Variants in NTM observed in about 807,000 individuals in gnomAD.
The protein encoded by NTM is neurotrimin.
Under a neutral mutation model 42.1 loss-of-function variants are expected in NTM, and 13 were observed. The observed-to-expected ratio is 0.31, with a 90% CI of 0.20 to 0.49. NTM has a LOEUF of 0.49. NTM is among the 20% of genes least tolerant of loss of function. The probability of loss-of-function intolerance (pLI) is 0.99; values close to 1 mark genes in which losing one functional copy is unlikely to be tolerated. For missense variants in NTM, 373 were observed against 452.8 expected (o/e 0.82, Z 1.60); for synonymous variants, 187 against 179.2 (o/e 1.04, Z -0.35).
At chr11:131,864,542 T>C (rs1044388071) in intron 1 of NTM, among the ~76,000 whole-genome samples, 1 of 152,232 alleles carries the variant, frequency 6.6e-6, no homozygotes, top group Admixed American at 6.5e-5. Flanking sequence ...GGAGGTTTCC[T>C]ATTATTTCTT....
At chr11:132,317,597 A>G (rs939475326) in intron 7 of NTM, 49 of 997,746 alleles carry the variant, frequency 4.9e-5, no homozygotes, top group Non-Finnish European at 6.5e-5. Context: ...ATAGCACTGT[A>G]TATAATATAT....
At chr11:131,883,352 A>G (rs1463741095) in intron 1 of NTM, among the ~76,000 whole-genome samples, 1 of 152,176 alleles carries the variant, frequency 6.6e-6, no homozygotes. Context: ...ACAAAATCCA[A>G]ACGGAAATCA....
At chr11:131,954,347 G>A (rs1206203499) in intron 2 of NTM, among the ~76,000 whole-genome samples, 1 of 152,190 alleles carries the variant, frequency 6.6e-6, no homozygotes, top group African/African-American at 2.4e-5. Context: ...GTCGCTGCTT[G>A]GTGTCCTTCC....
chr11:131,399,064 A>T (rs1317386009), intron 1 of NTM, among the ~76,000 whole-genome samples: 1 of 152,220 alleles, frequency 6.6e-6, no homozygotes, highest in Non-Finnish European at 1.5e-5. Flanking sequence ...GCACTTGGAG[A>T]GAAATGCATT....
intron 2 of NTM, among the ~76,000 whole-genome samples, chr11:132,028,157 A>T (rs1219107363): frequency 6.6e-6 from 1 of 150,678 alleles, no homozygotes; most frequent in African/African-American, 2.4e-5. Flanking sequence ...CATATTATTC[A>T]TAGTTACTTT....
At chr11:132,083,529 C>G (rs1353608436) in intron 2 of NTM, among the ~76,000 whole-genome samples, 4 of 152,308 alleles carry the variant, frequency 2.6e-5, no homozygotes, top group East Asian at 3.9e-4. Flanking sequence ...GTGAATTCCT[C>G]TCTTCTTGAA....
At chr11:131,749,791 G>C (rs1418095563) in intron 1 of NTM, among the ~76,000 whole-genome samples, 1 of 152,052 alleles carries the variant, frequency 6.6e-6, no homozygotes, top group Non-Finnish European at 1.5e-5. Context: ...GTAGAGACAG[G>C]GTTTCACTAT....
intron 1 of NTM, among the ~76,000 whole-genome samples, chr11:131,701,472 G>A (rs1170211577): frequency 2.0e-5 from 3 of 152,138 alleles, no homozygotes; most frequent in African/African-American, 7.2e-5. Context: ...TGGTAGATGG[G>A]CAAAAAGAAG....
At chr11:132,048,351 G>A (rs2078317024) in intron 2 of NTM, among the ~76,000 whole-genome samples, 1 of 152,166 alleles carries the variant, frequency 6.6e-6, no homozygotes, top group Non-Finnish European at 1.5e-5. Flanking sequence ...AAAGATCTCT[G>A]GGTCCACACG....
intron 1 of NTM, among the ~76,000 whole-genome samples, chr11:131,739,505 C>T (rs950689680): frequency 3.3e-5 from 5 of 152,214 alleles, no homozygotes; most frequent in Middle Eastern, 6.8e-3. Flanking sequence ...GCTTTCTGAC[C>T]GGATGGCAAG....
chr11:131,526,555 G>T (rs2050512754), intron 1 of NTM, among the ~76,000 whole-genome samples: 1 of 152,214 alleles, frequency 6.6e-6, no homozygotes, highest in Admixed American at 6.5e-5. Flanking sequence ...TTGTCGAAAT[G>T]TCAGCTTCTC....
At chr11:131,388,685 G>T (rs1943621730) in intron 1 of NTM, among the ~76,000 whole-genome samples, 2 of 151,948 alleles carry the variant, frequency 1.3e-5, no homozygotes, top group South Asian at 4.2e-4. Context: ...TGTATTTGGG[G>T]AAAGAGAAAG....
At chr11:132,041,212 A>T (rs3133189) in intron 2 of NTM, among the ~76,000 whole-genome samples, 133,023 of 150,408 alleles carry the variant, frequency 0.88, 58,941 homozygotes, top group East Asian at 0.99. Context: ...TGTGTGTGTG[A>T]GAGAGAGAGA....
intron 2 of NTM, among the ~76,000 whole-genome samples, chr11:131,960,216 G>A (rs2062003970): frequency 6.6e-6 from 1 of 152,180 alleles, no homozygotes; most frequent in Admixed American, 6.5e-5. Flanking sequence ...GGTGCCCCTG[G>A]ATGGAAAGTC....
rs529441581 is a variant in NTM, at chr11:131,915,145, G to T, written c.167+3497G>T. Among the ~76,000 whole-genome samples the T allele has an allele frequency of 3.7e-4, 57 of 152,234 alleles. 1 individual carries two copies. The highest frequency in any genetic ancestry group is 1.3e-3 in the African/African-American group (55 of 41,524). ...CTCTCTGAAATAGACAATTATTCCC[G>T]GTTAAGGCCTAGAGAGGGGGAACTT... On this transcript the variant is annotated intron_variant, in intron 2 of 8. Coordinates refer to ENST00000683400, the MANE Select transcript of NTM (RefSeq NM_001352005.2).
intron 1 of NTM, among the ~76,000 whole-genome samples, chr11:131,721,271 C>T (rs1261823736): frequency 2.6e-5 from 4 of 152,046 alleles, no homozygotes; most frequent in South Asian, 2.1e-4. Context: ...ACCCTTATTC[C>T]GCTCAGATTT....
intron 1 of NTM, among the ~76,000 whole-genome samples, chr11:131,409,223 A>G (rs1286807049): frequency 6.6e-6 from 1 of 152,248 alleles, no homozygotes; most frequent in Non-Finnish European, 1.5e-5. Context: ...AAGTATTAGC[A>G]TCAAACACTT....
chr11:131,843,424 G>A (rs1411204547), intron 1 of NTM, among the ~76,000 whole-genome samples: 2 of 152,150 alleles, frequency 1.3e-5, no homozygotes, highest in East Asian at 3.8e-4. Context: ...TCATGTTTCT[G>A]AGATTTGATT....
chr11:131,430,072 T>A (rs139128784), intron 1 of NTM, among the ~76,000 whole-genome samples: 2 of 152,308 alleles, frequency 1.3e-5, no homozygotes, highest in African/African-American at 4.8e-5. Flanking sequence ...TACCTATTTG[T>A]GGAGTGCCTG....
Sources: gnomAD v4.1 joint callset for allele counts (sites outside exome capture counted in the v4.1 genomes callset) on GRCh38, gnomAD v4.1.1 for gene constraint, MANE v1.5 for transcripts, NCBI Gene and HGNC (gene_info 2026-07-23, HGNC 2026-07-21) for gene names.